Variants in ARHGAP29 observed in about 807,000 individuals in gnomAD.
The protein encoded by ARHGAP29 is rho GTPase-activating protein 29.
A neutral mutation model predicts 122.6 loss-of-function variants in ARHGAP29; 43 were observed. The observed-to-expected ratio is 0.35, with a 90% CI of 0.27 to 0.45. The LOEUF is 0.45. Among genes scored for constraint, ARHGAP29 ranks in the 20% least tolerant of loss-of-function variants. ARHGAP29 has a pLI of 1.00. For synonymous variants in ARHGAP29, 506 were observed against 497.1 expected, an observed-to-expected ratio of 1.02 and a Z score of -0.24; for missense variants, 1,303 against 1,477.2, an observed-to-expected ratio of 0.88 and a Z score of 1.93.
the ARHGAP29 span, among the ~76,000 whole-genome samples, chr1:94,290,866 G>C: frequency 6.6e-6 from 1 of 152,196 alleles, no homozygotes; most frequent in Admixed American, 6.5e-5. Flanking sequence ...TTTAGAATAA[G>C]TGTGATGTGC....
intron 2 of ARHGAP29, among the ~76,000 whole-genome samples, chr1:94,227,737 T>C (rs1279018859): frequency 6.6e-6 from 1 of 151,792 alleles, no homozygotes; most frequent in Non-Finnish European, 1.5e-5. Context: ...AAAGCACTTA[T>C]GAATCTGTTA....
At chr1:94,303,783 AC>A in the ARHGAP29 span, among the ~76,000 whole-genome samples, 1 of 152,182 alleles carries the variant, frequency 6.6e-6, no homozygotes, top group South Asian at 2.1e-4. Context: ...GTCCAAGCCC[AC>A]CCAGCTAGAA....
intron 12 of ARHGAP29, among the ~76,000 whole-genome samples, chr1:94,200,303 G>C (rs1173262345): frequency 6.6e-6 from 1 of 152,136 alleles, no homozygotes; most frequent in Non-Finnish European, 1.5e-5. Context: ...TTGAAAAGAT[G>C]CTCAATATCG....
the ARHGAP29 span, among the ~76,000 whole-genome samples, chr1:94,307,796 C>T: frequency 6.6e-6 from 1 of 152,096 alleles, no homozygotes; most frequent in Non-Finnish European, 1.5e-5. Flanking sequence ...AAAAGCTATA[C>T]ATTAAATAGA....
In ARHGAP29 at chr1:94,170,403, G is replaced by A. The variant is rs376201288; in HGVS notation, c.*3466C>T. Among the ~76,000 whole-genome samples, 1 of 152,136 alleles carries A rather than the reference G, an allele frequency of 6.6e-6. No individual in the cohort carries two copies. Among genetic ancestry groups the A allele is most frequent in the South Asian group, 2.1e-4 (1 of 4,818 alleles). ...TGGCCAATCCTCCTCAAGTGTCAAG[G>A]TCAAAGACAAGTCTGAAAAGATGTT... On this transcript the variant is annotated 3_prime_UTR_variant, in exon 23 of 23. Transcript: ENST00000260526.
At chr1:94,312,309 T>C in the ARHGAP29 span, among the ~76,000 whole-genome samples, 2 of 151,896 alleles carry the variant, frequency 1.3e-5, no homozygotes, top group African/African-American at 4.8e-5. Flanking sequence ...CTATTAGCAT[T>C]GTACAAATCT....
chr1:94,196,623 C>T (rs1650498832), intron 12 of ARHGAP29, among the ~76,000 whole-genome samples: 2 of 152,076 alleles, frequency 1.3e-5, no homozygotes, highest in African/African-American at 2.4e-5. Context: ...TTATGACTCA[C>T]ATCCTGGGTC....
In ARHGAP29 at chr1:94,173,445, C is replaced by T. The variant is rs144300371; in HGVS notation, c.*424G>A. On this transcript the variant is annotated 3_prime_UTR_variant, in exon 23 of 23. Transcript: ENST00000260526. ...ATACCAACAAAGATCTTTTTAGGCACTTGCATTCAGAAACATTCCTTTTAT... is the reference window on the plus strand; with the variant it reads ...ATACCAACAAAGATCTTTTTAGGCATTTGCATTCAGAAACATTCCTTTTAT... 2.4e-3 allele frequency: 372 copies of T among 156,670 alleles called. 2 individuals are homozygous for T. Among genetic ancestry groups the T allele is most frequent in the Non-Finnish European group, 4.0e-3 (285 of 70,510 alleles). The allele number at this position is 156,670 out of a possible 1,614,324, so 9.7% of individuals were successfully genotyped here.
chr1:94,276,249 C>T (rs1037312222), upstream of ARHGAP29, among the ~76,000 whole-genome samples: 1 of 150,924 alleles, frequency 6.6e-6, no homozygotes, highest in Non-Finnish European at 1.5e-5. Context: ...CCGAGCGAGA[C>T]TCTGTCTCAA....
chr1:94,310,889 C>A, the ARHGAP29 span, among the ~76,000 whole-genome samples: 2 of 152,268 alleles, frequency 1.3e-5, no homozygotes, highest in South Asian at 4.2e-4. Context: ...CTTCCCCATG[C>A]CTGCTGTTTT....
the ARHGAP29 span, chr1:94,302,916 G>T: frequency 5.2e-6 from 1 of 191,400 alleles, no homozygotes; most frequent in Non-Finnish European, 1.1e-5. Flanking sequence ...ACTGGGGCTG[G>T]CATTGCCCTC....
chr1:94,203,890 T>G (rs1335199613), intron 8 of ARHGAP29, 40 bp downstream of exon 8: 2 of 1,575,130 alleles, frequency 1.3e-6, no homozygotes, highest in African/African-American at 2.7e-5. Context: ...TCATGAGTAG[T>G]TTCTTATTAT....
intron 1 of ARHGAP29, among the ~76,000 whole-genome samples, chr1:94,252,154 T>C (rs947412151): frequency 1.2e-4 from 19 of 152,246 alleles, no homozygotes; most frequent in African/African-American, 3.9e-4. Flanking sequence ...TTGAGAAAGA[T>C]TTTACTTTAG....
chr1:94,260,187 G>A (rs961915150), intron 1 of ARHGAP29, among the ~76,000 whole-genome samples: 2 of 152,158 alleles, frequency 1.3e-5, no homozygotes, highest in African/African-American at 4.8e-5. Flanking sequence ...TGCATTATAT[G>A]GTAGCCTTTT....
chr1:94,174,700 C>G lies in ARHGAP29; in HGVS notation c.2955G>C (p.Lys985Asn). The G allele has an allele frequency of 6.2e-7, 1 of 1,614,070 alleles. No individual in the cohort carries two copies. Among genetic ancestry groups the G allele is most frequent in the African/African-American group, 1.3e-5 (1 of 75,050 alleles). The change falls in exon 23 of 23, where the codon AAG becomes AAC. Residue 985 changes from lysine to asparagine, a missense_variant. Physicochemically the swap from Lys to Asn is moderately conservative, Grantham distance 94 (BLOSUM62 0). This residue lies in a region of ARHGAP29 where 620 missense variants were observed against 651.2 expected (regional missense o/e 0.95). Transcript: ENST00000260526. ...GCTTAGGGGTTTTACCATCTTCTAT[C>G]TTTTGGGATGCTGATTCAGCCTCTT... ...LDQEAESASQ[K>N]IEDGKTPKPL...
At chr1:94,230,610 T>G (rs1449228501) in intron 2 of ARHGAP29, among the ~76,000 whole-genome samples, 1 of 151,812 alleles carries the variant, frequency 6.6e-6, no homozygotes. Flanking sequence ...ATTGAAATCT[T>G]ACAAATTTCT....
the ARHGAP29 span, among the ~76,000 whole-genome samples, chr1:94,300,074 C>T: frequency 6.6e-6 from 1 of 152,204 alleles, no homozygotes; most frequent in Non-Finnish European, 1.5e-5. Context: ...AAGGGAAAGG[C>T]TTAGGCATCT....
chr1:94,263,516 CAT>C (rs1023880201), intron 1 of ARHGAP29, among the ~76,000 whole-genome samples: 3 of 152,132 alleles, frequency 2.0e-5, no homozygotes, highest in Admixed American at 1.3e-4. Flanking sequence ...TGAAATATCA[CAT>C]GAGGAGGCAG....
chr1:94,247,005 C>T (rs899143033), intron 1 of ARHGAP29, among the ~76,000 whole-genome samples: 1 of 152,052 alleles, frequency 6.6e-6, no homozygotes, highest in Non-Finnish European at 1.5e-5. Flanking sequence ...TGTTTTACAA[C>T]CTTAGATCTC....
Sources: allele counts gnomAD v4.1 joint callset (sites outside exome capture counted in the v4.1 genomes callset), GRCh38; gene constraint gnomAD v4.1.1; regional missense constraint gnomAD v4.1.1; transcripts MANE v1.5; gene names NCBI Gene and HGNC (gene_info 2026-07-23, HGNC 2026-07-21).